MREG: variants seen among roughly 807,000 people sequenced by gnomAD.
MREG encodes melanoregulin.
MREG carries 31 observed loss-of-function variants against 28.5 expected under a neutral mutation model. The ratio of observed to expected loss-of-function variants is 1.09; its 90% confidence interval spans 0.82 to 1.47. MREG has a LOEUF of 1.47. Among genes scored for constraint, MREG ranks in the 40% most tolerant of loss-of-function variants. The pLI is 0.00. For missense variants in MREG, 256 were observed against 257.4 expected, an observed-to-expected ratio of 0.99 and a Z score of 0.04; for synonymous variants, 106 against 95.2, an observed-to-expected ratio of 1.11 and a Z score of -0.66.
intron 1 of MREG, among the ~76,000 whole-genome samples, chr2:216,026,810 A>AT (rs1694603294): frequency 6.6e-6 from 1 of 152,194 alleles, no homozygotes; most frequent in South Asian, 2.1e-4. Context: ...AAGAACCTTA[A>AT]TTTTTTAATA....
intron 2 of MREG, among the ~76,000 whole-genome samples, chr2:215,996,039 T>C (rs1693864285): frequency 1.3e-5 from 2 of 152,232 alleles, no homozygotes; most frequent in Non-Finnish European, 2.9e-5. Context: ...CAAACTATCT[T>C]CACACTCTTC....
chr2:215,944,809 G>T lies in MREG; in HGVS notation c.*54C>A. ...TTCTACATGTAATTGTCCAACTTTG[G>T]TTGACTGCTGAGTCCTCATGGAAGA... On this transcript the variant is annotated 3_prime_UTR_variant, in exon 5 of 5. Coordinates refer to ENST00000263268, the MANE Select transcript of MREG (RefSeq NM_018000.3). The T allele has an allele frequency of 6.6e-7, 1 of 1,508,850 alleles. No homozygotes were observed. The highest frequency in any genetic ancestry group is 9.0e-7 in the Non-Finnish European group (1 of 1,113,032). 93.5% of individuals were successfully genotyped at this position (1,508,850 alleles called of 1,614,324 possible). A position where few individuals can be genotyped will look rare whatever the true frequency, so the allele number is the denominator to read the frequency against.
upstream of MREG, among the ~76,000 whole-genome samples, chr2:216,015,163 G>A (rs1030306931): frequency 6.6e-6 from 1 of 151,874 alleles, no homozygotes; most frequent in African/African-American, 2.4e-5. Flanking sequence ...ACGTGTGCGC[G>A]CGCGCGTGCG....
chr2:216,006,812 G>A (rs1164846997), intron 1 of MREG, among the ~76,000 whole-genome samples: 1 of 152,168 alleles, frequency 6.6e-6, no homozygotes, highest in Admixed American at 6.5e-5. Flanking sequence ...AGAGTTGGTG[G>A]TGATTCCCTT....
Position 215,945,696 on chromosome 2 carries a change from T to C in MREG, c.385A>G (p.Lys129Glu). Reference protein sequence around the residue: ...KEADSLLSVTKLSTISDSKNT... With the variant: ...KEADSLLSVTELSTISDSKNT... ...TTAGAATCACTGATGGTGCTGAGTT[T>C]AGTCACTGACAACAAAGAGTCAGCT... The change falls in exon 4 of 5, where the codon AAA becomes GAA. Residue 129 changes from lysine to glutamate, a missense_variant. Transcript: ENST00000263268. 1.9e-6 allele frequency: 3 copies of C among 1,613,888 alleles called. No homozygotes were observed. Among genetic ancestry groups the C allele is most frequent in the Non-Finnish European group, 2.5e-6 (3 of 1,179,830 alleles).
At chr2:215,986,130 A>G (rs952369352) in intron 2 of MREG, among the ~76,000 whole-genome samples, 2 of 152,244 alleles carry the variant, frequency 1.3e-5, no homozygotes, top group Non-Finnish European at 2.9e-5. Flanking sequence ...ACGTCTTTAC[A>G]TATCAATAGC....
At chr2:215,999,051 T>C (rs895845268) in intron 1 of MREG, among the ~76,000 whole-genome samples, 1 of 151,968 alleles carries the variant, frequency 6.6e-6, no homozygotes, top group African/African-American at 2.4e-5. Flanking sequence ...AAGGGCAGAG[T>C]TATTCCTTGT....
intron 2 of MREG, among the ~76,000 whole-genome samples, chr2:215,960,280 T>A (rs753537105): frequency 2.0e-5 from 3 of 152,156 alleles, no homozygotes; most frequent in Admixed American, 6.6e-5. Flanking sequence ...AATAGGTATC[T>A]ATAATGTCTC....
At chr2:215,999,670 T>C (rs1267623176) in intron 1 of MREG, among the ~76,000 whole-genome samples, 1 of 152,086 alleles carries the variant, frequency 6.6e-6, no homozygotes, top group African/African-American at 2.4e-5. Flanking sequence ...GCGAGGGAAA[T>C]AGCAGTGAGA....
chr2:215,974,851 C>T lies in MREG; in HGVS notation c.255+21455G>A, dbSNP rs577569222. ...ACACACACACACACACACACACACA[C>T]ACTCTCTCTCTCTCTCTCTCTCTCC... On this transcript the variant is annotated intron_variant, in intron 2 of 4. Transcript: ENST00000263268. Among the ~76,000 whole-genome samples the T allele has an allele frequency of 7.7e-3, 1,073 of 139,986 alleles. 16 individuals carry two copies. Among genetic ancestry groups the T allele is most frequent in the African/African-American group, 0.027 (955 of 35,854 alleles). 91.8% of individuals were successfully genotyped at this position (139,986 alleles called of 152,430 possible).
chr2:216,005,170 C>T (rs1020859908), intron 1 of MREG, among the ~76,000 whole-genome samples: 4 of 152,112 alleles, frequency 2.6e-5, no homozygotes, highest in Admixed American at 2.0e-4. Flanking sequence ...AAATGGAATA[C>T]AGTCTAAAGC....
chr2:216,002,208 C>T (rs1193342244), intron 1 of MREG, among the ~76,000 whole-genome samples: 1 of 152,222 alleles, frequency 6.6e-6, no homozygotes, highest in Non-Finnish European at 1.5e-5. Flanking sequence ...AGATTTCACC[C>T]TTAATCCCAC....
chr2:216,004,941 C>T (rs34437788), intron 1 of MREG, among the ~76,000 whole-genome samples: 6,664 of 152,022 alleles, frequency 0.044, 218 homozygotes, highest in South Asian at 0.13. Flanking sequence ...AGGAGTTATC[C>T]ACACAGAAAA....
At chr2:215,966,411 TAC>T (rs1198929585) in intron 2 of MREG, among the ~76,000 whole-genome samples, 1 of 152,138 alleles carries the variant, frequency 6.6e-6, no homozygotes, top group East Asian at 1.9e-4. Context: ...TTTTAAGACT[TAC>T]AGCCACAAAC....
At chr2:215,978,942 T>C (rs1028151002) in intron 2 of MREG, among the ~76,000 whole-genome samples, 3 of 152,230 alleles carry the variant, frequency 2.0e-5, no homozygotes, top group African/African-American at 7.2e-5. Context: ...CAAAGCTTCC[T>C]GATTTAATGT....
intron 2 of MREG, among the ~76,000 whole-genome samples, chr2:215,985,121 C>T (rs531435200): frequency 6.6e-6 from 1 of 152,268 alleles, no homozygotes; most frequent in South Asian, 2.1e-4. Flanking sequence ...AAAGAGGACA[C>T]AGTTAACATA....
intron 1 of MREG, among the ~76,000 whole-genome samples, chr2:216,029,218 G>A (rs1020827680): frequency 6.6e-5 from 10 of 152,118 alleles, no homozygotes; most frequent in Admixed American, 4.6e-4. Flanking sequence ...GGTGGCTCAC[G>A]CCTGTAATCC....
downstream of MREG, chr2:215,941,616 T>C (rs1360853908): frequency 1.3e-5 from 2 of 152,226 alleles, no homozygotes; most frequent in Admixed American, 1.3e-4. Flanking sequence ...ACCTAGACTT[T>C]CCTTCAATCA....
intron 2 of MREG, among the ~76,000 whole-genome samples, chr2:215,988,702 T>C (rs1693646431): frequency 6.6e-6 from 1 of 152,112 alleles, no homozygotes; most frequent in African/African-American, 2.4e-5. Flanking sequence ...TCGAGCTTGG[T>C]TGGGGGAGGG....
Sources: gnomAD v4.1 joint callset for allele counts (sites outside exome capture counted in the v4.1 genomes callset) on GRCh38, gnomAD v4.1.1 for gene constraint, MANE v1.5 for transcripts, NCBI Gene and HGNC (gene_info 2026-07-23, HGNC 2026-07-21) for gene names.